The following NSD3 variants were observed in gnomAD, a reference collection of about 807,000 sequenced individuals.
The protein encoded by NSD3 is histone-lysine N-methyltransferase NSD3.
NSD3 carries 24 observed loss-of-function variants against 160.8 expected under a neutral mutation model. That is an observed-to-expected ratio of 0.15 (90% CI 0.11 to 0.21). The LOEUF is 0.21. Ranked by LOEUF, NSD3 falls within the 10% of genes least tolerant of loss-of-function variation. The pLI is 1.00. For synonymous variants in NSD3, 520 were observed against 600.0 expected, an observed-to-expected ratio of 0.87 and a Z score of 1.95; for missense variants, 1,157 against 1,735.9, an observed-to-expected ratio of 0.67 and a Z score of 5.93.
intron 19 of NSD3, among the ~76,000 whole-genome samples, chr8:38,283,879 G>A (rs1324774538): frequency 6.6e-6 from 1 of 152,166 alleles, no homozygotes; most frequent in African/African-American, 2.4e-5. Flanking sequence ...GAGGCAGGAG[G>A]ACTGCTTGAG....
intron 12 of NSD3, 150 bp downstream of exon 12, chr8:38,314,497 C>T: frequency 8.2e-7 from 1 of 1,221,738 alleles, no homozygotes; most frequent in East Asian, 2.7e-5. Flanking sequence ...ATCTTGAAGC[C>T]AAATCTTAAT....
At chr8:38,327,538 A>T (rs890832394) in intron 6 of NSD3, among the ~76,000 whole-genome samples, 2 of 152,160 alleles carry the variant, frequency 1.3e-5, no homozygotes, top group East Asian at 3.8e-4. Flanking sequence ...GATACATTTT[A>T]AAATGCACAG....
intron 16 of NSD3, among the ~76,000 whole-genome samples, chr8:38,294,709 G>A (rs1809089421): frequency 6.6e-6 from 1 of 152,192 alleles, no homozygotes; most frequent in African/African-American, 2.4e-5. Context: ...CAAGTGTGGT[G>A]GCTCATTCCT....
intron 1 of NSD3, among the ~76,000 whole-genome samples, chr8:38,357,873 A>G (rs988309344): frequency 3.3e-5 from 5 of 152,172 alleles, no homozygotes; most frequent in African/African-American, 1.2e-4. Flanking sequence ...ACAGAATATA[A>G]AAGCAGTTAC....
intron 1 of NSD3, among the ~76,000 whole-genome samples, chr8:38,380,191 TA>T (rs1398764564): frequency 2.0e-5 from 3 of 152,200 alleles, no homozygotes; most frequent in Non-Finnish European, 4.4e-5. Context: ...AGAGTTTATT[TA>T]AAAAAGAAAA....
In NSD3 at chr8:38,317,979, C is replaced by T; in HGVS notation, c.1855+916G>A. 1 of 1,614,194 alleles carries T rather than the reference C, an allele frequency of 6.2e-7. No homozygotes were observed. Among genetic ancestry groups the T allele is most frequent in the Non-Finnish European group, 8.5e-7 (1 of 1,180,048 alleles). On this transcript the variant is annotated intron_variant, in intron 9 of 23. Transcript: ENST00000317025. This position sits in a 1 kb window ranked among gnomAD's most constrained non-coding sequence, Gnocchi z 5.3. ...TCTCAGTCCACAGTTTCCTCAATCGCTGCGGAGACGGAGCTGTCACTGAAT... is the reference window on the plus strand; with the variant it reads ...TCTCAGTCCACAGTTTCCTCAATCGTTGCGGAGACGGAGCTGTCACTGAAT...
chr8:38,279,769 TTTTGCTACCAACTGGTG>T, intron 20 of NSD3, 88 bp from the exon 21 acceptor site: 1 of 1,440,896 alleles, frequency 6.9e-7, no homozygotes, highest in African/African-American at 1.4e-5. Context: ...GGCAGCAGCA[TTTTGCTACCAACTGGTG>T]TTTGACAACT....
rs916515502 is a variant in NSD3 at position 38,275,467 on chromosome 8, A to G, written c.*174T>C. On this transcript the variant is annotated 3_prime_UTR_variant, in exon 24 of 24. Transcript: ENST00000317025. ...AAAGAATCCCAAACCAACCAAATCA[A>G]ACAAAAACCAGACACCACCAACTGC... The G allele has an allele frequency of 3.2e-6, 2 of 623,150 alleles. No individual in the cohort carries two copies. The highest frequency in any genetic ancestry group is 5.5e-6 in the Non-Finnish European group (2 of 366,666). The allele number at this position is 623,150 out of a possible 1,614,324, so 38.6% of individuals were successfully genotyped here. A position where few individuals can be genotyped will look rare whatever the true frequency, so the allele number is the denominator to read the frequency against.
chr8:38,364,596 T>A (rs1483754659), intron 1 of NSD3, among the ~76,000 whole-genome samples: 1 of 152,162 alleles, frequency 6.6e-6, no homozygotes, highest in Non-Finnish European at 1.5e-5. Flanking sequence ...ATGCATGACA[T>A]AATAAAATGC....
chr8:38,334,228 TAAA>T (rs770042601), intron 4 of NSD3, among the ~76,000 whole-genome samples: 3 of 152,212 alleles, frequency 2.0e-5, no homozygotes, highest in Non-Finnish European at 4.4e-5. Context: ...GATACCATGT[TAAA>T]ACATGGATGA....
chr8:38,275,462 A>T lies in NSD3; in HGVS notation c.*179T>A. 1 of 611,712 alleles carries T rather than the reference A, an allele frequency of 1.6e-6. No individual in the cohort carries two copies. The highest frequency in any genetic ancestry group is 1.8e-5 in the African/African-American group (1 of 54,212). The allele number at this position is 611,712 out of a possible 1,614,324, so 37.9% of individuals were successfully genotyped here. A position where few individuals can be genotyped will look rare whatever the true frequency, so the allele number is the denominator to read the frequency against. On this transcript the variant is annotated 3_prime_UTR_variant, in exon 24 of 24. Coordinates refer to ENST00000317025, the MANE Select transcript of NSD3 (RefSeq NM_023034.2). ...CCACAAAAGAATCCCAAACCAACCA[A>T]ATCAAACAAAAACCAGACACCACCA...
chr8:38,368,594 T>C (rs917215622), intron 1 of NSD3, among the ~76,000 whole-genome samples: 1 of 152,188 alleles, frequency 6.6e-6, no homozygotes. Context: ...GGTGGCTTTG[T>C]AGTTCATATT....
intron 1 of NSD3, among the ~76,000 whole-genome samples, chr8:38,374,185 G>C (rs1811330239): frequency 6.6e-6 from 1 of 151,754 alleles, no homozygotes; most frequent in African/African-American, 2.4e-5. Flanking sequence ...GATGAGGCTA[G>C]GAGAACTGCT....
chr8:38,308,998 T>C (rs1809471136), intron 12 of NSD3, among the ~76,000 whole-genome samples: 1 of 151,792 alleles, frequency 6.6e-6, no homozygotes, highest in Non-Finnish European at 1.5e-5. Context: ...CACTAGGAAA[T>C]GGCTTTCATT....
At chr8:38,296,671 CCT>C (rs1038559173) in intron 15 of NSD3, among the ~76,000 whole-genome samples, 13 of 114,892 alleles carry the variant, frequency 1.1e-4, no homozygotes, top group African/African-American at 3.7e-4. Context: ...TCTCTCTCTC[CCT>C]CTGTGTGTGT....
chr8:38,280,084 G>C, intron 20 of NSD3: 1 of 161,290 alleles, frequency 6.2e-6, no homozygotes, highest in Admixed American at 6.1e-5. Flanking sequence ...GTATAGGAGG[G>C]GATACATGAG....
chr8:38,368,477 AAAC>A (rs545348441), intron 1 of NSD3, among the ~76,000 whole-genome samples: 25 of 152,328 alleles, frequency 1.6e-4, no homozygotes, highest in South Asian at 8.3e-4. Context: ...ACAAAAAAGA[AAAC>A]AACAACAACA....
chr8:38,344,400 T>C (rs2150382056), intron 2 of NSD3, among the ~76,000 whole-genome samples: 1 of 152,260 alleles, frequency 6.6e-6, no homozygotes, highest in South Asian at 2.1e-4. Context: ...GCCTCCCGAA[T>C]AGTTGGGATT....
intron 1 of NSD3, among the ~76,000 whole-genome samples, chr8:38,352,617 T>C (rs574682271): frequency 6.6e-6 from 1 of 152,272 alleles, no homozygotes; most frequent in African/African-American, 2.4e-5. Flanking sequence ...GTTTGTTTGT[T>C]TGTTTTGAGA....
Sources: gnomAD v4.1 joint callset for allele counts (sites outside exome capture counted in the v4.1 genomes callset) on GRCh38, gnomAD v4.1.1 for gene constraint, Gnocchi (gnomAD v3.1) non-coding constraint, MANE v1.5 for transcripts, NCBI Gene and HGNC (gene_info 2026-07-23, HGNC 2026-07-21) for gene names.